The following ECT2L variants were observed in gnomAD, a reference collection of about 807,000 sequenced individuals.
ECT2L encodes the protein epithelial cell transforming 2 like, also known as epithelial cell-transforming sequence 2 oncogene-like.
In ECT2L, 126 loss-of-function variants were observed where a neutral mutation model predicts 122.8. That is an observed-to-expected ratio of 1.03 (90% CI 0.89 to 1.19). The LOEUF is 1.19. Ranked by LOEUF, ECT2L falls within the 50% of genes most tolerant of loss-of-function variation. The probability of loss-of-function intolerance (pLI) is 0.00; values close to 1 mark genes in which losing one functional copy is unlikely to be tolerated. For synonymous variants in ECT2L, 385 were observed against 381.8 expected, an observed-to-expected ratio of 1.01 and a Z score of -0.10; for missense variants, 1,012 against 1,064.1, an observed-to-expected ratio of 0.95 and a Z score of 0.68.
intron 14 of ECT2L, among the ~76,000 whole-genome samples, chr6:138,878,546 C>T (rs1342016033): frequency 6.6e-6 from 1 of 152,056 alleles, no homozygotes; most frequent in Non-Finnish European, 1.5e-5. Context: ...TCCCAGGTTC[C>T]AGTGATTCTA....
chr6:138,838,817 T>C (rs4896411), intron 5 of ECT2L, among the ~76,000 whole-genome samples: 129,211 of 152,306 alleles, frequency 0.85, 55,420 homozygotes, highest in East Asian at 0.99. Context: ...CTCGCTCTGT[T>C]GCCCAGGCTG....
intron 12 of ECT2L, among the ~76,000 whole-genome samples, chr6:138,866,115 T>A (rs1021335443): frequency 6.6e-6 from 1 of 151,978 alleles, no homozygotes; most frequent in Non-Finnish European, 1.5e-5. Context: ...AAAATGGTTA[T>A]GAAGTTGTAA....
Position 138,844,501 on chromosome 6 carries a change from A to G in ECT2L, c.685A>G (p.Thr229Ala), listed in dbSNP as rs1169315344. ...KPRCQPRLSQ[T>A]VRERVGLHEA... The stretch of plus-strand genomic sequence containing the variant: ...CAGATGCCAACCACGCCTCTCCCAG[A>G]CTGTAAGGGAGCGAGTGGGATTACA... The change falls in exon 7 of 22, where the codon ACT becomes GCT. Residue 229 changes from threonine to alanine, a missense_variant. By Grantham distance (58) the Thr-to-Ala change is moderately conservative (BLOSUM62 0). Transcript: ENST00000541398. The G allele has an allele frequency of 1.2e-6, 2 of 1,614,016 alleles. No individual in the cohort carries two copies. Among genetic ancestry groups the G allele is most frequent in the African/African-American group, 2.7e-5 (2 of 74,912 alleles).
intron 19 of ECT2L, 90 bp from the exon 20 acceptor site, chr6:138,888,853 T>C: frequency 2.2e-6 from 1 of 455,546 alleles, no homozygotes; most frequent in Non-Finnish European, 3.7e-6. Context: ...TAGTTAACAT[T>C]TGCATATTCT....
At chr6:138,853,898 C>A in intron 9 of ECT2L, 128 bp from the exon 10 acceptor site, 3 of 990,754 alleles carry the variant, frequency 3.0e-6, no homozygotes, top group Non-Finnish European at 4.6e-6. Flanking sequence ...AGCAGAGATG[C>A]CTCAGGTGTC....
At chr6:138,832,499 G>A (rs1562463337) in intron 4 of ECT2L, among the ~76,000 whole-genome samples, 2 of 152,142 alleles carry the variant, frequency 1.3e-5, no homozygotes, top group Non-Finnish European at 2.9e-5. Context: ...TTCTATGGTA[G>A]CTCAGGGTCT....
intron 8 of ECT2L, among the ~76,000 whole-genome samples, chr6:138,846,964 TAA>T (rs775229639): frequency 1.2e-4 from 9 of 73,096 alleles, no homozygotes; most frequent in Admixed American, 5.4e-4. Flanking sequence ...TCTGTTTCTA[TAA>T]AAAAAAAAAA....
intron 1 of ECT2L, among the ~76,000 whole-genome samples, chr6:138,799,230 T>C (rs1252075731): frequency 6.6e-6 from 1 of 152,108 alleles, no homozygotes; most frequent in Non-Finnish European, 1.5e-5. Flanking sequence ...AGGCAATTAC[T>C]ACCTGTGTAA....
intron 19 of ECT2L, among the ~76,000 whole-genome samples, chr6:138,887,214 G>GCTTTC (rs1778857295): frequency 1.2e-5 from 1 of 86,312 alleles, no homozygotes; most frequent in Non-Finnish European, 2.8e-5. Context: ...TGTTCTACTT[G>GCTTTC]TTTTCTTTTC....
Position 138,865,186 on chromosome 6 carries a change from G to C in ECT2L, c.1474+8G>C. Reference sequence around the variant, plus strand: ...TCAGTGGCAGGATGATAGGTAAGCAGTCTTGCTACTTCTGTTGCAGGTTAA... The same window carrying C: ...TCAGTGGCAGGATGATAGGTAAGCACTCTTGCTACTTCTGTTGCAGGTTAA... On this transcript the variant is annotated splice_region_variant and intron_variant, in intron 12 of 21. Transcript: ENST00000541398. 1 of 1,592,484 alleles carries C rather than the reference G, an allele frequency of 6.3e-7. No individual in the cohort carries two copies. The highest frequency in any genetic ancestry group is 8.6e-7 in the Non-Finnish European group (1 of 1,164,954).
At chr6:138,847,795 C>G (rs1777288944) in intron 8 of ECT2L, among the ~76,000 whole-genome samples, 1 of 152,020 alleles carries the variant, frequency 6.6e-6, no homozygotes, top group Non-Finnish European at 1.5e-5. Flanking sequence ...TTAGCTTCAC[C>G]CATTGATGCT....
intron 10 of ECT2L, among the ~76,000 whole-genome samples, chr6:138,860,579 C>T (rs1295046579): frequency 6.6e-6 from 1 of 152,058 alleles, no homozygotes; most frequent in Non-Finnish European, 1.5e-5. Flanking sequence ...GTAATTGAAG[C>T]ATTTTGGAGT....
At chr6:138,835,042 T>C (rs1338247181) in intron 4 of ECT2L, among the ~76,000 whole-genome samples, 1 of 151,432 alleles carries the variant, frequency 6.6e-6, no homozygotes, top group South Asian at 2.1e-4. Flanking sequence ...TGGACAGGGA[T>C]CAAAAAAACA....
rs1355242769 is a variant in ECT2L at position 138,902,989 on chromosome 6, C to G, written c.*362C>G. Reference sequence around the variant, plus strand: ...AGAATGAAAGTGTTTCTTAAGTGATCAGTCTAGAAAGATATTTTAATTTGT... The same window carrying G: ...AGAATGAAAGTGTTTCTTAAGTGATGAGTCTAGAAAGATATTTTAATTTGT... On this transcript the variant is annotated 3_prime_UTR_variant, in exon 22 of 22. Coordinates refer to ENST00000541398, the MANE Select transcript of ECT2L (RefSeq NM_001077706.3). 1 of 231,434 alleles carries G rather than the reference C, an allele frequency of 4.3e-6. No individual in the cohort carries two copies. The highest frequency in any genetic ancestry group is 1.6e-4 in the East Asian group (1 of 6,354). The allele number at this position is 231,434 out of a possible 1,614,324, so 14.3% of individuals were successfully genotyped here.
At chr6:138,899,181 G>A (rs1277436995) in intron 20 of ECT2L, among the ~76,000 whole-genome samples, 1 of 151,726 alleles carries the variant, frequency 6.6e-6, no homozygotes, top group Admixed American at 6.6e-5. Flanking sequence ...AGAGAGAGAG[G>A]GAGGGAAAAA....
At chr6:138,883,071 C>A (rs1438249743) in intron 16 of ECT2L, among the ~76,000 whole-genome samples, 200 bp downstream of exon 16, 1 of 152,196 alleles carries the variant, frequency 6.6e-6, no homozygotes, top group Non-Finnish European at 1.5e-5. Context: ...TTGCCAGGAA[C>A]TGGTTCTTAA....
In ECT2L at chr6:138,838,374, G is replaced by A. The variant is rs756799483; in HGVS notation, c.202G>A (p.Glu68Lys). Residue 68 changes from glutamate to lysine, a missense_variant, in exon 5 of 22, where the codon GAA (glutamate) becomes AAA (lysine). By Grantham distance (56) the Glu-to-Lys change is moderately conservative. Transcript: ENST00000541398. ...QLRFVQDWFS[E>K]RMQVAKVDFS... ...TAGGTTTGTCCAAGACTGGTTTTCA[G>A]AAAGGATGCAAGTGGCCAAAGTGGA... The A allele has an allele frequency of 2.2e-5, 36 of 1,606,064 alleles. No homozygotes were observed. The highest frequency in any genetic ancestry group is 3.0e-5 in the Non-Finnish European group (35 of 1,177,572).
intron 15 of ECT2L, among the ~76,000 whole-genome samples, chr6:138,881,593 T>C (rs1026490095): frequency 6.6e-6 from 1 of 151,890 alleles, no homozygotes; most frequent in Non-Finnish European, 1.5e-5. Context: ...CTCACCATAA[T>C]GTAAACCAGT....
intron 1 of ECT2L, among the ~76,000 whole-genome samples, chr6:138,801,237 G>A (rs1775533609): frequency 6.6e-6 from 1 of 152,086 alleles, no homozygotes; most frequent in Non-Finnish European, 1.5e-5. Flanking sequence ...CCTATCCTAT[G>A]GCAGACACTA....
Sources: gnomAD v4.1 joint callset for allele counts (sites outside exome capture counted in the v4.1 genomes callset) on GRCh38, gnomAD v4.1.1 for gene constraint, MANE v1.5 for transcripts, NCBI Gene and HGNC (gene_info 2026-07-23, HGNC 2026-07-21) for gene names.